Variants in CSMD1 observed in about 807,000 individuals in gnomAD.
CSMD1 encodes CUB and sushi domain-containing protein 1.
In CSMD1, 213 loss-of-function variants were observed where a neutral mutation model predicts 417.5. The observed-to-expected ratio is 0.51, with a 90% confidence interval of 0.46 to 0.57. The LOEUF (loss-of-function observed/expected upper bound fraction) is 0.57. Among genes scored for constraint, CSMD1 ranks in the 20% least tolerant of loss-of-function variants. The pLI, the probability that CSMD1 is intolerant of heterozygous loss-of-function variation, is 0.00. For synonymous variants in CSMD1, 2,862 were observed against 1,736.8 expected (o/e 1.65, Z -16.11); for missense variants, 6,923 against 4,529.7 (o/e 1.53, Z -15.17).
At chr8:4,245,245 C>T (rs556827410) in intron 3 of CSMD1, among the ~76,000 whole-genome samples, 48 of 152,308 alleles carry the variant, frequency 3.2e-4, no homozygotes, top group African/African-American at 1.1e-3. Flanking sequence ...TGAAATCAAG[C>T]ACCTGCATTA....
intron 10 of CSMD1, among the ~76,000 whole-genome samples, chr8:3,522,608 T>C (rs913807553): frequency 6.6e-6 from 1 of 152,106 alleles, no homozygotes; most frequent in Non-Finnish European, 1.5e-5. Flanking sequence ...CAGCCCACAC[T>C]CCAAGAAGGG....
intron 1 of CSMD1, among the ~76,000 whole-genome samples, chr8:4,992,238 C>T (rs1811508608): frequency 6.6e-6 from 1 of 152,188 alleles, no homozygotes; most frequent in South Asian, 2.1e-4. Flanking sequence ...CCCGCCTCCG[C>T]CTCAGCCTCA....
At chr8:4,976,357 C>T (rs1322524143) in intron 1 of CSMD1, among the ~76,000 whole-genome samples, 1 of 152,188 alleles carries the variant, frequency 6.6e-6, no homozygotes, top group Non-Finnish European at 1.5e-5. Flanking sequence ...TACATCTTAA[C>T]ATAATTATCT....
At chr8:4,434,496 A>G (rs376576397) in intron 2 of CSMD1, among the ~76,000 whole-genome samples, 6 of 152,170 alleles carry the variant, frequency 3.9e-5, no homozygotes, top group Non-Finnish European at 8.8e-5. Context: ...AGAAACAACA[A>G]AAAGAAAACC....
chr8:4,310,654 C>G (rs564398163), intron 3 of CSMD1, among the ~76,000 whole-genome samples: 187 of 152,152 alleles, frequency 1.2e-3, no homozygotes, highest in African/African-American at 3.9e-3. Flanking sequence ...TTGACCGAGA[C>G]TATAAAATTT....
intron 1 of CSMD1, among the ~76,000 whole-genome samples, chr8:4,789,280 G>A (rs893998215): frequency 2.6e-5 from 4 of 152,088 alleles, no homozygotes; most frequent in African/African-American, 9.7e-5. Context: ...ATAATCCCCG[G>A]TTTCTAATAC....
chr8:3,632,841 A>G (rs2117263160), intron 7 of CSMD1, among the ~76,000 whole-genome samples: 1 of 152,266 alleles, frequency 6.6e-6, no homozygotes, highest in African/African-American at 2.4e-5. Flanking sequence ...CCCTTCAGAG[A>G]TTATGTTCCT....
intron 4 of CSMD1, among the ~76,000 whole-genome samples, chr8:4,026,903 A>G (rs1371184622): frequency 2.0e-5 from 3 of 151,362 alleles, no homozygotes; most frequent in Non-Finnish European, 4.4e-5. Context: ...TGCTGAGCGA[A>G]TTCTTTAAAA....
At chr8:4,962,384 A>C (rs1366974907) in intron 1 of CSMD1, among the ~76,000 whole-genome samples, 1 of 151,764 alleles carries the variant, frequency 6.6e-6, no homozygotes, top group African/African-American at 2.4e-5. Flanking sequence ...TTAATTTTAT[A>C]ATTTTGTGTA....
Position 3,284,356 on chromosome 8 carries a change from A to G in CSMD1, c.3951-10T>C, listed in dbSNP as rs1288266067. On this transcript the variant is annotated splice_polypyrimidine_tract_variant and intron_variant, in intron 25 of 69. Coordinates refer to ENST00000635120, the MANE Select transcript of CSMD1 (RefSeq NM_033225.6). Reference sequence around the variant, plus strand: ...AACAATGAAATGGAGGCTGCAAGAGAGAACACAGTAGCGCTACTTGCCGTG... The same window carrying G: ...AACAATGAAATGGAGGCTGCAAGAGGGAACACAGTAGCGCTACTTGCCGTG... 1.9e-6 allele frequency: 3 copies of G among 1,602,876 alleles called. No individual in the cohort carries two copies. The highest frequency in any genetic ancestry group is 1.7e-5 in the Admixed American group (1 of 59,972).
chr8:4,167,024 T>G (rs1321450247), intron 3 of CSMD1, among the ~76,000 whole-genome samples: 2 of 152,156 alleles, frequency 1.3e-5, no homozygotes, highest in African/African-American at 2.4e-5. Context: ...TTTTTGTGTT[T>G]CCCAGGGGAC....
chr8:4,841,543 A>C (rs2116779150), intron 1 of CSMD1, among the ~76,000 whole-genome samples: 1 of 152,352 alleles, frequency 6.6e-6, no homozygotes, highest in Admixed American at 6.5e-5. Flanking sequence ...CATACATAAA[A>C]CAAAGGTCAA....
Position 3,775,712 on chromosome 8 carries a change from A to G in CSMD1, c.819-21670T>C, listed in dbSNP as rs556416232. On this transcript the variant is annotated intron_variant, in intron 5 of 69. Coordinates refer to ENST00000635120, the MANE Select transcript of CSMD1 (RefSeq NM_033225.6). ...ATAAGTTCTAGTTCCTAAATGATGC[A>G]CGCAAACACACAGTTCAAATGATAT... Among the ~76,000 whole-genome samples the G allele has an allele frequency of 5.5e-4, 84 of 152,350 alleles. 1 individual carries two copies. Among genetic ancestry groups the G allele is most frequent in the Admixed American group, 2.5e-3 (38 of 15,310 alleles).
At chr8:4,974,217 G>A (rs188628559) in intron 1 of CSMD1, among the ~76,000 whole-genome samples, 8 of 150,688 alleles carry the variant, frequency 5.3e-5, no homozygotes, top group Non-Finnish European at 1.2e-4. Flanking sequence ...ATAGAGATGA[G>A]ATTTCACCAT....
At chr8:3,999,753 T>G (rs1199930291) in intron 4 of CSMD1, among the ~76,000 whole-genome samples, 4 of 152,096 alleles carry the variant, frequency 2.6e-5, no homozygotes, top group African/African-American at 2.4e-5. Context: ...GAGGTACACT[T>G]GGAGGAAAAT....
rs1797830711 is a variant in CSMD1, at chr8:3,651,106, C to T, written c.1010-34309G>A. On this transcript the variant is annotated intron_variant, in intron 7 of 69. Transcript: ENST00000635120. ...CGTGCATACAATGGCCGTTTATCACCATCTGTCAGTATCTTGTCTTGATTA... is the reference window on the plus strand; with the variant it reads ...CGTGCATACAATGGCCGTTTATCACTATCTGTCAGTATCTTGTCTTGATTA... Among the ~76,000 whole-genome samples the T allele has an allele frequency of 2.0e-5, 3 of 152,168 alleles. No homozygotes were observed. In the South Asian group the frequency reaches 6.2e-4, roughly 31 times the overall value.
chr8:3,586,277 G>A lies in CSMD1; in HGVS notation c.1098-17C>T, dbSNP rs199950710. On this transcript the variant is annotated splice_polypyrimidine_tract_variant and intron_variant, in intron 8 of 69. Transcript: ENST00000635120. The stretch of plus-strand genomic sequence containing the variant: ...GCACCAACCCTAAGCCGTTAAAAAA[G>A]AAAAAAAAAAACCCAAATTATTTAC... 22,917 of 1,375,078 alleles carry A rather than the reference G, an allele frequency of 0.017. 7 individuals are homozygous for A. The highest frequency in any genetic ancestry group is 0.063 in the South Asian group (4,390 of 69,642). The allele number at this position is 1,375,078 out of a possible 1,614,324, so 85.2% of individuals were successfully genotyped here. A position where few individuals can be genotyped will look rare whatever the true frequency, so the allele number is the denominator to read the frequency against.
chr8:4,209,601 C>T (rs191411504), intron 3 of CSMD1, among the ~76,000 whole-genome samples: 29 of 152,222 alleles, frequency 1.9e-4, no homozygotes, highest in East Asian at 5.8e-4. Flanking sequence ...TCCCTGTCCC[C>T]GTGATGCAGG....
At chr8:3,751,546 T>C (rs1797343751) in intron 6 of CSMD1, among the ~76,000 whole-genome samples, 1 of 150,128 alleles carries the variant, frequency 6.7e-6, no homozygotes, top group Non-Finnish European at 1.5e-5. Context: ...AAGAATGAAG[T>C]GTGTATAACG....
Sources: gnomAD v4.1 joint callset for allele counts (sites outside exome capture counted in the v4.1 genomes callset) on GRCh38, gnomAD v4.1.1 for gene constraint, MANE v1.5 for transcripts, NCBI Gene and HGNC (gene_info 2026-07-23, HGNC 2026-07-21) for gene names.